PTPRD: variants seen among roughly 807,000 people sequenced by gnomAD.
The protein encoded by PTPRD is receptor-type tyrosine-protein phosphatase delta.
A neutral mutation model predicts 214.5 loss-of-function variants in PTPRD; 34 were observed. The ratio of observed to expected loss-of-function variants is 0.16; its 90% CI spans 0.12 to 0.21. The LOEUF is 0.21. Ranked by LOEUF, PTPRD falls within the 10% of genes least tolerant of loss-of-function variation. The probability of loss-of-function intolerance (pLI) is 1.00; values close to 1 mark genes in which losing one functional copy is unlikely to be tolerated. For missense variants in PTPRD, 2,545 were observed against 2,398.7 expected (o/e 1.06, Z -1.27); for synonymous variants, 1,128 against 845.7 (o/e 1.33, Z -5.79).
intron 12 of PTPRD, among the ~76,000 whole-genome samples, chr9:8,692,435 G>C (rs2097827181): frequency 6.6e-6 from 1 of 152,112 alleles, no homozygotes; most frequent in African/African-American, 2.4e-5. Context: ...TTAGCCTAGA[G>C]GTGGCACCAC....
At chr9:9,596,474 C>G (rs993423153) in intron 7 of PTPRD, among the ~76,000 whole-genome samples, 4 of 151,802 alleles carry the variant, frequency 2.6e-5, no homozygotes, top group African/African-American at 9.7e-5. Context: ...TTTTTATTTA[C>G]AAAGGTTGTT....
intron 12 of PTPRD, among the ~76,000 whole-genome samples, chr9:8,642,844 G>C (rs553685625): frequency 2.0e-5 from 3 of 152,344 alleles, no homozygotes; most frequent in African/African-American, 4.8e-5. Flanking sequence ...GACAAGGGTA[G>C]TGACAGACAA....
At chr9:10,283,746 TAA>T (rs1466044643) in intron 3 of PTPRD, among the ~76,000 whole-genome samples, 2 of 152,204 alleles carry the variant, frequency 1.3e-5, no homozygotes, top group African/African-American at 4.8e-5. Context: ...CTGATTGACC[TAA>T]TATCTTTAGG....
intron 11 of PTPRD, among the ~76,000 whole-genome samples, chr9:8,923,262 G>A (rs112152616): frequency 1.1e-3 from 163 of 151,652 alleles, no homozygotes; most frequent in African/African-American, 3.3e-3. Flanking sequence ...GGCTGGTCTC[G>A]AACTCCTGAC....
chr9:10,157,042 C>T (rs988819941), intron 3 of PTPRD, among the ~76,000 whole-genome samples: 5 of 152,142 alleles, frequency 3.3e-5, no homozygotes, highest in African/African-American at 9.7e-5. Context: ...TGAGAAGGGT[C>T]TCTTGAAGAA....
At chr9:9,643,288 A>G (rs948632161) in intron 7 of PTPRD, among the ~76,000 whole-genome samples, 3 of 152,182 alleles carry the variant, frequency 2.0e-5, no homozygotes, top group Non-Finnish European at 4.4e-5. Flanking sequence ...AAACTGCAAC[A>G]TGTAAAAAGA....
chr9:10,432,819 C>A (rs1175541916), intron 2 of PTPRD, among the ~76,000 whole-genome samples: 2 of 151,936 alleles, frequency 1.3e-5, no homozygotes, highest in Admixed American at 1.3e-4. Flanking sequence ...ATGCTGGGAC[C>A]AAACAAACTA....
At chr9:9,304,654 A>C (rs369353453) in intron 9 of PTPRD, among the ~76,000 whole-genome samples, 5 of 151,424 alleles carry the variant, frequency 3.3e-5, no homozygotes, top group East Asian at 3.9e-4. Flanking sequence ...TAGAGGATTC[A>C]GTTTCTCTAG....
At chr9:8,633,198 A>G (rs1595724609) in intron 14 of PTPRD, 119 bp downstream of exon 14, 1 of 1,286,480 alleles carries the variant, frequency 7.8e-7, no homozygotes, top group East Asian at 2.5e-5. Flanking sequence ...AGTCTTACAA[A>G]CATTTAACTG....
chr9:10,284,309 T>C (rs975688762), intron 3 of PTPRD, among the ~76,000 whole-genome samples: 1 of 152,130 alleles, frequency 6.6e-6, no homozygotes, highest in African/African-American at 2.4e-5. Flanking sequence ...GTGCATAAGA[T>C]TAAACACTAT....
chr9:8,865,322 A>G (rs1264693760), intron 11 of PTPRD, among the ~76,000 whole-genome samples: 1 of 152,136 alleles, frequency 6.6e-6, no homozygotes, highest in African/African-American at 2.4e-5. Context: ...TAATGTTTTC[A>G]CAGTTGTTTG....
At position 9,854,933 on chromosome 9, in the gene PTPRD, C is replaced by T. The variant is rs190627676; in HGVS notation, c.-368+83574G>A. Reference sequence around the variant, plus strand: ...CCAACAAATTGAGGAATTTGGGATACTTTTATACTAAGCTTTAAAATTAAT... The same window carrying T: ...CCAACAAATTGAGGAATTTGGGATATTTTTATACTAAGCTTTAAAATTAAT... On this transcript the variant is annotated intron_variant, in intron 5 of 45. Transcript: ENST00000381196. Among the ~76,000 whole-genome samples the T allele has an allele frequency of 1.8e-4, 27 of 152,272 alleles. No homozygotes were observed. The South Asian group carries it at 5.4e-3, about 30-fold the overall frequency.
intron 2 of PTPRD, among the ~76,000 whole-genome samples, chr9:10,594,818 G>C (rs2076261870): frequency 6.6e-6 from 1 of 151,978 alleles, no homozygotes; most frequent in Non-Finnish European, 1.5e-5. Context: ...TTGCACCGAA[G>C]TGTAGATACA....
intron 5 of PTPRD, among the ~76,000 whole-genome samples, chr9:9,909,329 T>C (rs1390371639): frequency 1.3e-5 from 2 of 151,618 alleles, no homozygotes; most frequent in Non-Finnish European, 3.0e-5. Flanking sequence ...TTTTTTTTTT[T>C]TTTTACGGCT....
chr9:9,310,611 T>C (rs757478530), intron 9 of PTPRD, among the ~76,000 whole-genome samples: 3 of 152,098 alleles, frequency 2.0e-5, no homozygotes, highest in Admixed American at 1.3e-4. Context: ...ATGTAAAGCA[T>C]TTTCACAGAT....
chr9:9,582,838 T>A (rs1222301643), intron 7 of PTPRD, among the ~76,000 whole-genome samples: 1 of 152,024 alleles, frequency 6.6e-6, no homozygotes, highest in East Asian at 1.9e-4. Flanking sequence ...GAAAAAACTA[T>A]AATCTTTGTC....
At chr9:8,674,136 C>T (rs1053967652) in intron 12 of PTPRD, among the ~76,000 whole-genome samples, 5 of 152,224 alleles carry the variant, frequency 3.3e-5, no homozygotes, top group South Asian at 2.1e-4. Flanking sequence ...CACACATATA[C>T]GCATCCAAAA....
At chr9:8,896,906 A>G (rs1273509493) in intron 11 of PTPRD, among the ~76,000 whole-genome samples, 1 of 152,224 alleles carries the variant, frequency 6.6e-6, no homozygotes, top group Non-Finnish European at 1.5e-5. Flanking sequence ...GCATACCTAC[A>G]GTTGCTTTGA....
At chr9:8,472,625 G>C (rs376653828) in intron 30 of PTPRD, among the ~76,000 whole-genome samples, 23 of 152,184 alleles carry the variant, frequency 1.5e-4, no homozygotes, top group African/African-American at 5.3e-4. Context: ...CAAAGACTTA[G>C]CATTAAAAAG....
Sources: gnomAD v4.1 joint callset for allele counts (sites outside exome capture counted in the v4.1 genomes callset) on GRCh38, gnomAD v4.1.1 for gene constraint, MANE v1.5 for transcripts, NCBI Gene and HGNC (gene_info 2026-07-23, HGNC 2026-07-21) for gene names.